Variants in MBOAT2 observed in about 807,000 individuals in gnomAD.
The protein encoded by MBOAT2 is membrane bound glycerophospholipid O-acyltransferase 2, also known as membrane-bound glycerophospholipid O-acyltransferase 2.
MBOAT2 carries 28 observed loss-of-function variants against 63.4 expected under a neutral mutation model. That is an observed-to-expected ratio of 0.44 (90% CI 0.33 to 0.61). The LOEUF (loss-of-function observed/expected upper bound fraction) is 0.61, where lower values mean the gene tolerates loss of function less well. MBOAT2 is among the 20% of genes least tolerant of loss of function. The pLI is 0.03. For missense variants in MBOAT2, 470 were observed against 605.8 expected (o/e 0.78, Z 2.35); for synonymous variants, 211 against 215.6 (o/e 0.98, Z 0.19).
chr2:8,982,211 C>A (rs1054616697), intron 1 of MBOAT2, among the ~76,000 whole-genome samples: 3 of 152,124 alleles, frequency 2.0e-5, no homozygotes, highest in Non-Finnish European at 4.4e-5. Context: ...TTACCACAGA[C>A]ATATTTACAG....
In MBOAT2 at chr2:8,942,621, T is replaced by C. The variant is rs531450775; in HGVS notation, c.299+566A>G. On this transcript the variant is annotated intron_variant, in intron 3 of 12. Transcript: ENST00000305997. Reference sequence around the variant, plus strand: ...AATATATACCCACTTGAAATGCCTATGCCACCTTCTACATGCTCCCCACTT... The same window carrying C: ...AATATATACCCACTTGAAATGCCTACGCCACCTTCTACATGCTCCCCACTT... Among the ~76,000 whole-genome samples, 12 of 152,344 alleles carry C rather than the reference T, an allele frequency of 7.9e-5. No homozygotes were observed. In the South Asian group the frequency reaches 2.5e-3, roughly 32 times the overall value.
chr2:8,930,687 G>C (rs1036877036), intron 3 of MBOAT2, among the ~76,000 whole-genome samples: 1 of 139,478 alleles, frequency 7.2e-6, no homozygotes, highest in African/African-American at 2.7e-5. Context: ...ACACAGGAAG[G>C]GGAACATCAC....
chr2:8,990,625 T>G (rs1369400312), intron 1 of MBOAT2, among the ~76,000 whole-genome samples: 2 of 152,152 alleles, frequency 1.3e-5, no homozygotes, highest in African/African-American at 4.8e-5. Context: ...CTCCATTAAT[T>G]TATATTTCTT....
chr2:8,881,559 G>T (rs975400046), intron 6 of MBOAT2, among the ~76,000 whole-genome samples: 4 of 152,190 alleles, frequency 2.6e-5, no homozygotes, highest in Non-Finnish European at 5.9e-5. Context: ...TGCTCTCGAT[G>T]TGAGAGGCAC....
intron 7 of MBOAT2, 74 bp downstream of exon 7, chr2:8,876,956 G>T: frequency 7.2e-7 from 1 of 1,385,738 alleles, no homozygotes; most frequent in Non-Finnish European, 9.7e-7. Flanking sequence ...TTCACAATGT[G>T]AAAATATTTG....
chr2:8,884,125 A>G (rs1663357802), intron 5 of MBOAT2, among the ~76,000 whole-genome samples: 1 of 144,192 alleles, frequency 6.9e-6, no homozygotes, highest in Admixed American at 7.3e-5. Flanking sequence ...AATCCCAACT[A>G]CTCAGGAGGC....
chr2:8,888,104 A>C, intron 4 of MBOAT2, 31 bp from the exon 5 acceptor site: 2 of 1,591,228 alleles, frequency 1.3e-6, no homozygotes, highest in Non-Finnish European at 1.7e-6. Flanking sequence ...TTAGTGTTTT[A>C]AAAGAAGAAA....
chr2:8,984,052 C>A (rs1183628585), intron 1 of MBOAT2, among the ~76,000 whole-genome samples: 2 of 152,046 alleles, frequency 1.3e-5, no homozygotes, highest in Admixed American at 6.6e-5. Flanking sequence ...TTAGCTTTTA[C>A]AAGGAAAGAA....
chr2:8,946,104 A>T (rs1232172654), intron 2 of MBOAT2, among the ~76,000 whole-genome samples: 2 of 152,258 alleles, frequency 1.3e-5, no homozygotes, highest in Admixed American at 1.3e-4. Context: ...TAACAGATGA[A>T]TGACTCTGAG....
In MBOAT2 at chr2:8,977,785, C is replaced by T. The variant is rs192785360; in HGVS notation, c.76-19143G>A. Among the ~76,000 whole-genome samples, 27 of 152,182 alleles carry T rather than the reference C, an allele frequency of 1.8e-4. 1 individual carries two copies. In the East Asian group the frequency reaches 5.0e-3, roughly 28 times the overall value. On this transcript the variant is annotated intron_variant, in intron 1 of 12. Transcript: ENST00000305997. ...CAAGGGAACTGCTGATTCCCCTCAC[C>T]ACCAACTTCTCCTCCAAGTTGACCC... is the stretch of plus-strand genomic sequence containing the variant.
At chr2:8,990,716 T>C (rs1454977218) in intron 1 of MBOAT2, among the ~76,000 whole-genome samples, 1 of 152,216 alleles carries the variant, frequency 6.6e-6, no homozygotes, top group Non-Finnish European at 1.5e-5. Flanking sequence ...TAGAATTAAT[T>C]TTGATTAACA....
At chr2:8,884,788 A>T (rs1324346680) in intron 5 of MBOAT2, among the ~76,000 whole-genome samples, 1 of 152,250 alleles carries the variant, frequency 6.6e-6, no homozygotes, top group Admixed American at 6.5e-5. Context: ...ATAGAGTTGC[A>T]TAGAACAAAC....
chr2:8,945,119 T>G (rs921961804), intron 2 of MBOAT2, among the ~76,000 whole-genome samples: 2 of 152,204 alleles, frequency 1.3e-5, no homozygotes, highest in African/African-American at 4.8e-5. Flanking sequence ...CCTCCTCTCC[T>G]GACATCGCCA....
chr2:8,968,744 G>A (rs899288496), intron 1 of MBOAT2, among the ~76,000 whole-genome samples: 1 of 152,196 alleles, frequency 6.6e-6, no homozygotes, highest in African/African-American at 2.4e-5. Flanking sequence ...ACAAGCTTCA[G>A]TAGCCAATTC....
chr2:8,926,360 G>A (rs942271343), intron 3 of MBOAT2, among the ~76,000 whole-genome samples: 34 of 152,300 alleles, frequency 2.2e-4, no homozygotes, highest in African/African-American at 8.2e-4. Context: ...AAGTATACAA[G>A]ATGTACAAAG....
At chr2:8,999,603 C>T (rs924991952) in intron 1 of MBOAT2, among the ~76,000 whole-genome samples, 2 of 152,202 alleles carry the variant, frequency 1.3e-5, no homozygotes, top group Non-Finnish European at 2.9e-5. Context: ...AACACAGATA[C>T]CTTCAGTGAT....
intron 1 of MBOAT2, among the ~76,000 whole-genome samples, chr2:8,995,166 G>C (rs1178217011): frequency 6.6e-6 from 1 of 152,132 alleles, no homozygotes; most frequent in Non-Finnish European, 1.5e-5. Context: ...TCTCACTACT[G>C]GTTGCAGTGA....
intron 5 of MBOAT2, among the ~76,000 whole-genome samples, chr2:8,885,578 A>G (rs1663490958): frequency 6.6e-6 from 1 of 152,184 alleles, no homozygotes; most frequent in South Asian, 2.1e-4. Context: ...CAAGACAACC[A>G]GCTACACTAT....
chr2:8,986,383 G>A (rs1671568332), intron 1 of MBOAT2, among the ~76,000 whole-genome samples: 2 of 151,942 alleles, frequency 1.3e-5, no homozygotes, highest in East Asian at 1.9e-4. Flanking sequence ...GGGCAACATA[G>A]TGAAATCCCC....
Sources: gnomAD v4.1 joint callset for allele counts (sites outside exome capture counted in the v4.1 genomes callset) on GRCh38, gnomAD v4.1.1 for gene constraint, MANE v1.5 for transcripts, NCBI Gene and HGNC (gene_info 2026-07-23, HGNC 2026-07-21) for gene names.